Variants in ITFG1 observed in about 807,000 individuals in gnomAD.
The protein encoded by ITFG1 is T-cell immunomodulatory protein.
In ITFG1, 34 loss-of-function variants were observed where a neutral mutation model predicts 81.8. The ratio of observed to expected loss-of-function variants is 0.42; its 90% CI spans 0.32 to 0.55. ITFG1 has a LOEUF of 0.55. Among genes scored for constraint, ITFG1 ranks in the 20% least tolerant of loss-of-function variants. The probability of loss-of-function intolerance (pLI) is 0.17; values close to 1 mark genes in which losing one functional copy is unlikely to be tolerated. For synonymous variants in ITFG1, 285 were observed against 270.6 expected (o/e 1.05, Z -0.52); for missense variants, 672 against 755.4 (o/e 0.89, Z 1.29).
intron 6 of ITFG1, among the ~76,000 whole-genome samples, chr16:47,415,565 A>C (rs1436700691): frequency 6.6e-6 from 1 of 152,216 alleles, no homozygotes; most frequent in Non-Finnish European, 1.5e-5. Context: ...AGGAAAAGCT[A>C]AAAATCAGTA....
intron 14 of ITFG1, among the ~76,000 whole-genome samples, chr16:47,204,476 T>C (rs1168201188): frequency 6.6e-6 from 1 of 152,266 alleles, no homozygotes; most frequent in Non-Finnish European, 1.5e-5. Context: ...ATTCAGCATT[T>C]TAGCTAATAG....
At chr16:47,259,668 C>T (rs2151541906) in intron 11 of ITFG1, among the ~76,000 whole-genome samples, 1 of 152,218 alleles carries the variant, frequency 6.6e-6, no homozygotes, top group East Asian at 1.9e-4. Context: ...AATTATCTTA[C>T]AAGGATATAC....
At chr16:47,301,682 C>T (rs1472805534) in intron 10 of ITFG1, among the ~76,000 whole-genome samples, 2 of 152,186 alleles carry the variant, frequency 1.3e-5, no homozygotes, top group African/African-American at 4.8e-5. Context: ...AGGCGTGAGC[C>T]ATCGTGCCCA....
intron 5 of ITFG1, among the ~76,000 whole-genome samples, chr16:47,438,600 T>C (rs2151613279): frequency 6.6e-6 from 1 of 152,180 alleles, no homozygotes; most frequent in Non-Finnish European, 1.5e-5. Context: ...TCTAGTAAAT[T>C]CCAACAGACC....
chr16:47,307,564 A>G (rs1227134104), intron 10 of ITFG1, among the ~76,000 whole-genome samples: 2 of 152,234 alleles, frequency 1.3e-5, no homozygotes. Context: ...CGAACGTAGC[A>G]ATATGAGGTC....
intron 6 of ITFG1, among the ~76,000 whole-genome samples, chr16:47,418,239 G>A (rs572359055): frequency 7.2e-5 from 11 of 152,048 alleles, no homozygotes; most frequent in East Asian, 5.8e-4. Flanking sequence ...CTTTCTTACC[G>A]TTGAATTCTT....
intron 10 of ITFG1, among the ~76,000 whole-genome samples, chr16:47,280,393 A>C (rs1323084999): frequency 6.6e-6 from 1 of 152,166 alleles, no homozygotes; most frequent in African/African-American, 2.4e-5. Context: ...AAAATAGTAA[A>C]TGGAGGAATA....
intron 14 of ITFG1, among the ~76,000 whole-genome samples, chr16:47,176,045 G>A (rs932993055): frequency 6.6e-5 from 10 of 152,312 alleles, no homozygotes; most frequent in South Asian, 6.2e-4. Context: ...AATGAGCCTG[G>A]TTACTCTTGT....
chr16:47,222,562 C>G (rs1272946945), intron 13 of ITFG1, among the ~76,000 whole-genome samples: 1 of 151,994 alleles, frequency 6.6e-6, no homozygotes, highest in African/African-American at 2.4e-5. Context: ...TACAGGCACC[C>G]GCCACCAGGC....
intron 13 of ITFG1, among the ~76,000 whole-genome samples, chr16:47,227,860 A>C (rs2151530490): frequency 6.6e-6 from 1 of 152,310 alleles, no homozygotes; most frequent in Middle Eastern, 3.4e-3. Context: ...AGTGGACTTA[A>C]CTTTTCTCAA....
chr16:47,355,139 C>T (rs930807841), intron 8 of ITFG1, among the ~76,000 whole-genome samples: 1 of 151,918 alleles, frequency 6.6e-6, no homozygotes, highest in Admixed American at 6.6e-5. Flanking sequence ...AGGAAACAAC[C>T]TGAGTCCATC....
intron 14 of ITFG1, among the ~76,000 whole-genome samples, chr16:47,207,624 A>G (rs1246472708): frequency 6.6e-6 from 1 of 152,214 alleles, no homozygotes; most frequent in East Asian, 1.9e-4. Context: ...TGGTGAATGC[A>G]GGGCAGCAAA....
chr16:47,428,632 A>AT (rs1969054093), intron 6 of ITFG1, among the ~76,000 whole-genome samples, 172 bp downstream of exon 6: 1 of 152,238 alleles, frequency 6.6e-6, no homozygotes, highest in African/African-American at 2.4e-5. Flanking sequence ...CTAAAGACTT[A>AT]TTTATTACAG....
At position 47,258,679 on chromosome 16, in the gene ITFG1, G is replaced by A. The variant is rs973173421; in HGVS notation, c.1283C>T (p.Thr428Ile). The A allele has an allele frequency of 1.3e-6, 2 of 1,552,724 alleles. No individual in the cohort carries two copies. Among genetic ancestry groups the A allele is most frequent in the Non-Finnish European group, 1.8e-6 (2 of 1,137,974 alleles). ...ATCTGCTTCAAAGTTATTTTTTAGT[G>A]TATGAATGGCAAAATCATTCTTTGT... ...GYTKNDFAIH[T>I]LKNNFEADAY... The change falls in exon 12 of 18, where the codon ACA becomes ATA. Residue 428 changes from threonine to isoleucine, a missense_variant. By Grantham distance (89) the Thr-to-Ile change is moderately conservative (BLOSUM62 -1). This residue lies in a region of ITFG1 where 560 missense variants were observed against 625.7 expected (regional missense o/e 0.90). Transcript: ENST00000320640.
intron 14 of ITFG1, among the ~76,000 whole-genome samples, chr16:47,206,068 G>A (rs1481620467): frequency 2.6e-5 from 4 of 151,774 alleles, no homozygotes; most frequent in Non-Finnish European, 5.9e-5. Context: ...GTTTCACCAC[G>A]TTGGTCTGGC....
chr16:47,425,244 G>C (rs181498383), intron 6 of ITFG1, among the ~76,000 whole-genome samples: 1 of 152,170 alleles, frequency 6.6e-6, no homozygotes, highest in African/African-American at 2.4e-5. Flanking sequence ...TGTGGGACCC[G>C]TGGAGCCAGG....
intron 5 of ITFG1, among the ~76,000 whole-genome samples, chr16:47,437,277 G>C (rs1181369918): frequency 1.3e-5 from 2 of 152,056 alleles, no homozygotes; most frequent in East Asian, 3.9e-4. Context: ...ACCAGCCTGA[G>C]CAATATAGTG....
At chr16:47,312,447 G>T (rs1967280537) in intron 9 of ITFG1, among the ~76,000 whole-genome samples, 1 of 151,870 alleles carries the variant, frequency 6.6e-6, no homozygotes, top group Admixed American at 6.6e-5. Flanking sequence ...ATTTTCCAAA[G>T]AAAGTATAAT....
At chr16:47,238,182 A>G in intron 12 of ITFG1, 174 bp from the exon 13 acceptor site, 2 of 503,988 alleles carry the variant, frequency 4.0e-6, no homozygotes, top group Non-Finnish European at 7.0e-6. Flanking sequence ...CTTTATACCA[A>G]TATTTCAAAA....
Sources: allele counts gnomAD v4.1 joint callset (sites outside exome capture counted in the v4.1 genomes callset), GRCh38; gene constraint gnomAD v4.1.1; regional missense constraint gnomAD v4.1.1; transcripts MANE v1.5; gene names NCBI Gene and HGNC (gene_info 2026-07-23, HGNC 2026-07-21).